The following IGLL5 variants were observed in gnomAD, a reference collection of about 807,000 sequenced individuals.
IGLL5 encodes the protein immunoglobulin lambda-like polypeptide 5.
In IGLL5, 30 loss-of-function variants were observed where a neutral mutation model predicts 20.9. That is an observed-to-expected ratio of 1.44 (90% confidence interval 1.07 to 1.95). The LOEUF (loss-of-function observed/expected upper bound fraction) is 1.95, where lower values mean the gene tolerates loss of function less well. IGLL5 is among the 30% of genes most tolerant of loss of function. IGLL5 has a pLI of 0.00. For synonymous variants in IGLL5, 203 were observed against 117.3 expected (o/e 1.73, Z -4.72); for missense variants, 475 against 270.7 (o/e 1.75, Z -5.30).
chr22:22,894,031 G>C (rs28611253), intron 2 of IGLL5, among the ~76,000 whole-genome samples: 3 of 151,360 alleles, frequency 2.0e-5, no homozygotes, highest in Admixed American at 6.6e-5. Flanking sequence ...GCCTGGTCCC[G>C]GGGCCTGAGC....
At chr22:22,894,714 A>T (rs530864915) in intron 2 of IGLL5, among the ~76,000 whole-genome samples, 1 of 151,396 alleles carries the variant, frequency 6.6e-6, no homozygotes, top group African/African-American at 2.4e-5. Context: ...CTGTGGGAGC[A>T]GCCCCAGGAA....
chr22:22,892,378 T>TA (rs2067875669), intron 1 of IGLL5, among the ~76,000 whole-genome samples: 1 of 151,118 alleles, frequency 6.6e-6, no homozygotes, highest in Non-Finnish European at 1.5e-5. Context: ...CCTTGGGGAA[T>TA]AAAATCAGAT....
Position 22,888,093 on chromosome 22 carries a change from G to A in IGLL5, c.40G>A (p.Glu14Lys). Residue 14 changes from glutamate to lysine, a missense_variant, in exon 1 of 3, where the codon GAG (glutamate) becomes AAG (lysine). Physicochemically the swap from Glu to Lys is moderately conservative, Grantham distance 56 (BLOSUM62 1). Coordinates refer to ENST00000526893, the MANE Select transcript of IGLL5 (RefSeq NM_001178126.2). ...KTGQVGCETPEELGPGPRQRW... is the reference protein window; with the variant it reads ...KTGQVGCETPKELGPGPRQRW... ...AGGCCAAGTGGGTTGTGAGACCCCT[G>A]AGGAGCTGGGCCCTGGTCCCAGGCA... The A allele has an allele frequency of 6.5e-7, 1 of 1,549,444 alleles. No individual in the cohort carries two copies. Among genetic ancestry groups the A allele is most frequent in the Non-Finnish European group, 8.7e-7 (1 of 1,146,636 alleles).
intron 1 of IGLL5, 102 bp downstream of exon 1, chr22:22,888,361 CCCTAAGAGGGG>C: frequency 9.3e-7 from 1 of 1,075,042 alleles, no homozygotes; most frequent in Non-Finnish European, 1.3e-6. Flanking sequence ...GAAGGTTAAC[CCCTAAGAGGGG>C]CCTGGGCTGA....
chr22:22,894,341 A>T (rs531173651), intron 2 of IGLL5, among the ~76,000 whole-genome samples: 1 of 151,516 alleles, frequency 6.6e-6, no homozygotes. Flanking sequence ...TGGAGGGCAC[A>T]GAGAGGGCTC....
At chr22:22,890,231 T>C (rs117995600) in intron 1 of IGLL5, among the ~76,000 whole-genome samples, 3,275 of 149,642 alleles carry the variant, frequency 0.022, 123 homozygotes, top group African/African-American at 0.065. Flanking sequence ...TTACCATCTC[T>C]CACCTCTTCC....
Position 22,895,462 on chromosome 22 carries a change from T to C in IGLL5, c.413T>C (p.Ile138Thr), listed in dbSNP as rs1348297754. 1 of 1,612,716 alleles carries C rather than the reference T, an allele frequency of 6.2e-7. No homozygotes were observed. The highest frequency in any genetic ancestry group is 8.5e-7 in the Non-Finnish European group (1 of 1,179,560). The change falls in exon 3 of 3, where the codon ATC becomes ACC. Residue 138 changes from isoleucine (I) to threonine (T), a missense_variant. Coordinates refer to ENST00000526893, the MANE Select transcript of IGLL5 (RefSeq NM_001178126.2). ...AACAAGGCCACACTAGTGTGTCTGA[T>C]CAGTGACTTCTACCCGGGAGCTGTG... ...QANKATLVCL[I>T]SDFYPGAVTV...
chr22:22,894,320 G>T, intron 2 of IGLL5, among the ~76,000 whole-genome samples: 1 of 151,476 alleles, frequency 6.6e-6, no homozygotes, highest in South Asian at 2.1e-4. Context: ...GTCACCCCAA[G>T]GGGAGACCAA....
intron 2 of IGLL5, among the ~76,000 whole-genome samples, 175 bp downstream of exon 2, chr22:22,893,993 G>T: frequency 6.6e-6 from 1 of 150,632 alleles, no homozygotes; most frequent in African/African-American, 2.5e-5. Context: ...GGCAGGAAGG[G>T]CCTCCACAGT....
chr22:22,894,579 G>A (rs537059315), intron 2 of IGLL5, among the ~76,000 whole-genome samples: 8 of 151,470 alleles, frequency 5.3e-5, no homozygotes, highest in South Asian at 2.1e-4. Context: ...CAAAGGGCAT[G>A]TTAGACTCAG....
intron 2 of IGLL5, among the ~76,000 whole-genome samples, chr22:22,894,361 G>A (rs547164473): frequency 2.0e-5 from 3 of 151,488 alleles, no homozygotes; most frequent in South Asian, 2.1e-4. Flanking sequence ...CTGGGTCTAG[G>A]CTGCAGCTCT....
intron 1 of IGLL5, among the ~76,000 whole-genome samples, chr22:22,888,829 GC>G (rs1448251122): frequency 1.3e-5 from 2 of 151,456 alleles, no homozygotes; most frequent in East Asian, 4.0e-4. Flanking sequence ...ATTGGAACAG[GC>G]CCACGGCCCA....
At chr22:22,895,240 A>T in intron 2 of IGLL5, 135 bp from the exon 3 acceptor site, 1 of 788,948 alleles carries the variant, frequency 1.3e-6, no homozygotes, top group South Asian at 1.7e-5. Flanking sequence ...AGGATGGGGA[A>T]AGAAGAGGAG....
At position 22,888,283 on chromosome 22, in the gene IGLL5, G is replaced by T. The variant is rs768446339; in HGVS notation, c.206+24G>T. ...AGGTAAGGGGCAAGAGATTCCAGGG[G>T]ATGTGGGGGTCCTGCAGCAGAGCTG... On this transcript the variant is annotated intron_variant, in intron 1 of 2. Transcript: ENST00000526893. 3 of 1,542,902 alleles carry T rather than the reference G, an allele frequency of 1.9e-6. 1 individual carries two copies. Among genetic ancestry groups the T allele is most frequent in the African/African-American group, 2.8e-5 (2 of 72,704 alleles).
intron 2 of IGLL5, 138 bp from the exon 3 acceptor site, chr22:22,895,237 G>A (rs539298943): frequency 8.1e-5 from 63 of 776,486 alleles, no homozygotes; most frequent in Middle Eastern, 3.8e-4. Context: ...GAAAGGATGG[G>A]GAAAGAAGAG....
chr22:22,888,088 C>T lies in IGLL5; in HGVS notation c.35C>T (p.Thr12Ile), dbSNP rs553086290. 16 of 1,549,246 alleles carry T rather than the reference C, an allele frequency of 1.0e-5. No individual in the cohort carries two copies. In the Middle Eastern group the frequency reaches 5.0e-4, roughly 49 times the overall value. The change falls in exon 1 of 3, where the codon ACC becomes ATC. Residue 12 changes from threonine (T) to isoleucine (I), a missense_variant. Physicochemically the swap from Thr to Ile is moderately conservative, Grantham distance 89 (BLOSUM62 -1). Coordinates refer to ENST00000526893, the MANE Select transcript of IGLL5 (RefSeq NM_001178126.2). ...AAGACAGGCCAAGTGGGTTGTGAGA[C>T]CCCTGAGGAGCTGGGCCCTGGTCCC... is the stretch of plus-strand genomic sequence containing the variant. ...RPKTGQVGCE[T>I]PEELGPGPRQ... is the part of the protein sequence containing the mutation.
intron 1 of IGLL5, among the ~76,000 whole-genome samples, chr22:22,893,488 G>A (rs1601619462): frequency 1.3e-5 from 2 of 151,128 alleles, no homozygotes; most frequent in African/African-American, 4.9e-5. Context: ...CACTCAGGGA[G>A]TTGCTGGGAC....
Position 22,888,745 on chromosome 22 carries a change from G to C in IGLL5, c.206+486G>C, listed in dbSNP as rs184368884. ...CCCAAGGCTGTCTGTTCACCAACTT[G>C]CACATAAATGCTTACTGGGGCCAGG... On this transcript the variant is annotated intron_variant, in intron 1 of 2. Transcript: ENST00000526893. 7.3e-5 allele frequency among the ~76,000 whole-genome samples: 11 copies of C among 151,340 alleles called. 1 individual carries two copies. The East Asian group carries it at 1.2e-3, about 17-fold the overall frequency.
chr22:22,895,302 A>C, intron 2 of IGLL5, 73 bp from the exon 3 acceptor site: 1 of 1,399,446 alleles, frequency 7.1e-7, no homozygotes, highest in Non-Finnish European at 1.0e-6. Context: ...CAGAGACTTT[A>C]GACAGAGAGA....
Sources: allele counts gnomAD v4.1 joint callset (sites outside exome capture counted in the v4.1 genomes callset), GRCh38; gene constraint gnomAD v4.1.1; transcripts MANE v1.5; gene names NCBI Gene and HGNC (gene_info 2026-07-23, HGNC 2026-07-21).